The following NAV2 variants were observed in gnomAD, a reference collection of about 807,000 sequenced individuals.
NAV2 encodes the protein neuron navigator 2.
In NAV2, 54 loss-of-function variants were observed where a neutral mutation model predicts 223.2. The observed-to-expected ratio is 0.24, with a 90% confidence interval of 0.19 to 0.30. The LOEUF is 0.30. Ranked by LOEUF, NAV2 falls within the 10% of genes least tolerant of loss-of-function variation. The pLI, the probability that NAV2 is intolerant of heterozygous loss-of-function variation, is 1.00. For missense variants in NAV2, 2,806 were observed against 3,147.5 expected (o/e 0.89, Z 2.60); for synonymous variants, 1,279 against 1,239.3 (o/e 1.03, Z -0.67).
chr11:19,506,934 C>A (rs12283826), intron 1 of NAV2: 48,150 of 151,938 alleles, frequency 0.32, 8,520 homozygotes, highest in South Asian at 0.4. Flanking sequence ...AGCACAGGGC[C>A]CTCCTGAGCA....
intron 3 of NAV2, among the ~76,000 whole-genome samples, chr11:19,846,901 C>T (rs1193733243): frequency 6.6e-6 from 1 of 152,214 alleles, no homozygotes; most frequent in African/African-American, 2.4e-5. Flanking sequence ...CTGTTTCAGT[C>T]TGACCCAGAT....
intron 1 of NAV2, among the ~76,000 whole-genome samples, chr11:19,706,671 T>C (rs2049672748): frequency 6.6e-6 from 1 of 152,246 alleles, no homozygotes; most frequent in Non-Finnish European, 1.5e-5. Flanking sequence ...TTATCTGCTC[T>C]CCATCATAAT....
chr11:20,066,851 A>G (rs1317745961), intron 20 of NAV2, among the ~76,000 whole-genome samples: 3 of 151,980 alleles, frequency 2.0e-5, no homozygotes, highest in African/African-American at 7.3e-5. Flanking sequence ...TTCCCAAGTC[A>G]CTCTTCCCTC....
chr11:19,419,587 A>G (rs541152614), intron 1 of NAV2, among the ~76,000 whole-genome samples: 6 of 152,212 alleles, frequency 3.9e-5, no homozygotes, highest in Non-Finnish European at 1.5e-5. Context: ...ATAGAAATGC[A>G]TATTCCAAAT....
At chr11:19,503,062 G>C (rs2043009221) in intron 1 of NAV2, 1 of 152,200 alleles carries the variant, frequency 6.6e-6, no homozygotes, top group South Asian at 2.1e-4. Context: ...ATCATGATGT[G>C]TGGACACAAA....
chr11:19,463,451 C>A (rs1482551332), intron 1 of NAV2, among the ~76,000 whole-genome samples: 3 of 152,214 alleles, frequency 2.0e-5, no homozygotes, highest in African/African-American at 7.2e-5. Flanking sequence ...GCAACTTTAG[C>A]CTCCTTCTCC....
In NAV2 at chr11:19,938,380, T is replaced by G. The variant is rs563030763; in HGVS notation, c.2034-1281T>G. On this transcript the variant is annotated intron_variant, in intron 7 of 37. Transcript: ENST00000349880. ...ATCTAGATGGGTGGCTCAGGGTGAG[T>G]GGGCCTGTGGCAGAGGGAGCCACGC... Among the ~76,000 whole-genome samples, 5 of 152,176 alleles carry G rather than the reference T, an allele frequency of 3.3e-5. No individual in the cohort carries two copies. In the South Asian group the frequency reaches 1.0e-3, roughly 32 times the overall value.
intron 1 of NAV2, among the ~76,000 whole-genome samples, chr11:19,404,285 G>A (rs1590136938): frequency 6.6e-6 from 1 of 152,198 alleles, no homozygotes; most frequent in Non-Finnish European, 1.5e-5. Context: ...GTTCACTGGA[G>A]TCAAGTGAGG....
At chr11:19,634,682 T>C (rs1329086480) in intron 1 of NAV2, among the ~76,000 whole-genome samples, 1 of 152,110 alleles carries the variant, frequency 6.6e-6, no homozygotes, top group Non-Finnish European at 1.5e-5. Flanking sequence ...GTCCAGTGTC[T>C]AGGAAGTGGG....
intron 1 of NAV2, among the ~76,000 whole-genome samples, chr11:19,382,414 C>G (rs905106296): frequency 9.9e-5 from 15 of 152,262 alleles, no homozygotes; most frequent in African/African-American, 3.6e-4. Flanking sequence ...GACTGGCAAA[C>G]CTTGATGAAT....
intron 22 of NAV2, among the ~76,000 whole-genome samples, chr11:20,068,895 C>A (rs2059217272): frequency 6.6e-6 from 1 of 152,156 alleles, no homozygotes; most frequent in Non-Finnish European, 1.5e-5. Context: ...GCCAGCTATG[C>A]CCCGGGCACT....
At chr11:19,809,587 C>T (rs1388997505) in intron 1 of NAV2, among the ~76,000 whole-genome samples, 3 of 152,166 alleles carry the variant, frequency 2.0e-5, no homozygotes, top group Non-Finnish European at 2.9e-5. Context: ...AAAGTCCATA[C>T]TCTATTCTGA....
intron 10 of NAV2, among the ~76,000 whole-genome samples, chr11:19,982,091 G>A (rs1373352043): frequency 1.1e-4 from 16 of 152,026 alleles, no homozygotes. Context: ...CCTGCAAAGA[G>A]CTTACTATTT....
intron 1 of NAV2, among the ~76,000 whole-genome samples, chr11:19,561,713 C>T (rs1364757142): frequency 7.9e-5 from 12 of 152,210 alleles, no homozygotes; most frequent in Non-Finnish European, 1.6e-4. Context: ...ATTTCTGCTT[C>T]TTATACCACT....
intron 1 of NAV2, among the ~76,000 whole-genome samples, chr11:19,584,488 T>A (rs2045827293): frequency 1.3e-5 from 2 of 152,258 alleles, no homozygotes; most frequent in South Asian, 4.1e-4. Context: ...CAATTTTAGA[T>A]CTTTCCTGTT....
rs575341064 is a variant in NAV2, at chr11:19,933,480, G to A, written c.1236G>A (p.Gly412=). The change falls in exon 7 of 38, where the codon GGG becomes GGA. Residue 412 remains glycine (G), a synonymous_variant. Coordinates refer to ENST00000349880, the MANE Select transcript of NAV2 (RefSeq NM_145117.5). The surrounding 1 kb of genome is among the most constrained non-coding windows in gnomAD (Gnocchi z 4.3). Reference sequence around the variant, plus strand: ...AGCTGAAACTTTTCAACAGTAAAGGGGGCTCAAAGGCAGGTGAGGGGCCGG... The same window carrying A: ...AGCTGAAACTTTTCAACAGTAAAGGAGGCTCAAAGGCAGGTGAGGGGCCGG... The part of the protein sequence containing the change: ...LEKLKLFNSK[G]GSKAGEGPGS... The A allele has an allele frequency of 5.0e-6, 8 of 1,610,688 alleles. No individual in the cohort carries two copies. In the South Asian group the frequency reaches 8.8e-5, roughly 18 times the overall value.
chr11:20,091,689 C>T (rs1009727021), intron 27 of NAV2, among the ~76,000 whole-genome samples: 1 of 152,134 alleles, frequency 6.6e-6, no homozygotes, highest in African/African-American at 2.4e-5. Flanking sequence ...ATGAAAGATA[C>T]CTCTAGAGTC....
chr11:19,623,408 G>A (rs1327292390), intron 1 of NAV2, among the ~76,000 whole-genome samples: 1 of 152,162 alleles, frequency 6.6e-6, no homozygotes, highest in Non-Finnish European at 1.5e-5. Flanking sequence ...ACACCAATCA[G>A]ACGTAGATTT....
At chr11:19,777,405 C>CTTTT in intron 1 of NAV2, 1 of 410,408 alleles carries the variant, frequency 2.4e-6, no homozygotes, top group Non-Finnish European at 4.8e-6. Context: ...GGTGCTTCGG[C>CTTTT]TTTTTTTTTT....
Sources: gnomAD v4.1 joint callset for allele counts (sites outside exome capture counted in the v4.1 genomes callset) on GRCh38, gnomAD v4.1.1 for gene constraint, Gnocchi (gnomAD v3.1) non-coding constraint, MANE v1.5 for transcripts, NCBI Gene and HGNC (gene_info 2026-07-23, HGNC 2026-07-21) for gene names.